Variants in FRY observed in about 807,000 individuals in gnomAD.
FRY encodes the protein FRY microtubule binding protein.
A neutral mutation model predicts 348.4 loss-of-function variants in FRY; 128 were observed. That is an observed-to-expected ratio of 0.37 (90% CI 0.32 to 0.43). The LOEUF (loss-of-function observed/expected upper bound fraction) is 0.43. Ranked by LOEUF, FRY falls within the 20% of genes least tolerant of loss-of-function variation. FRY has a pLI of 1.00. For synonymous variants in FRY, 1,370 were observed against 1,374.7 expected, an observed-to-expected ratio of 1.00 and a Z score of 0.08; for missense variants, 2,736 against 3,695.2, an observed-to-expected ratio of 0.74 and a Z score of 6.73.
At position 32,099,712 on chromosome 13, in the gene FRY, A is replaced by G. The variant is rs543278282; in HGVS notation, c.271-2251A>G. 3.3e-5 allele frequency among the ~76,000 whole-genome samples: 5 copies of G among 152,032 alleles called. No individual in the cohort carries two copies. The South Asian group carries it at 1.0e-3, about 32-fold the overall frequency. On this transcript the variant is annotated intron_variant, in intron 2 of 60. Transcript: ENST00000542859. Reference sequence around the variant, plus strand: ...AAACAGAAAACTATTCATGATGAATATTTTCCTCAGAAATTTCAGTTTGGA... The same window carrying G: ...AAACAGAAAACTATTCATGATGAATGTTTTCCTCAGAAATTTCAGTTTGGA...
At chr13:32,138,924 G>A (rs1456157352) in intron 11 of FRY, among the ~76,000 whole-genome samples, 1 of 152,192 alleles carries the variant, frequency 6.6e-6, no homozygotes, top group Non-Finnish European at 1.5e-5. Flanking sequence ...ACCTCTGAGA[G>A]TTATAAAGGT....
At chr13:32,035,939 A>G (rs1461456002) in intron 1 of FRY, among the ~76,000 whole-genome samples, 1 of 152,166 alleles carries the variant, frequency 6.6e-6, no homozygotes, top group Non-Finnish European at 1.5e-5. Context: ...GTAGTGAGTT[A>G]AGTTGTAGTG....
chr13:32,292,860 T>G (rs1325143708), intron 59 of FRY, among the ~76,000 whole-genome samples: 1 of 151,974 alleles, frequency 6.6e-6, no homozygotes, highest in African/African-American at 2.4e-5. Flanking sequence ...TTTAAAGAAA[T>G]TGCCCCAATC....
chr13:32,072,987 T>C (rs1243406643), intron 1 of FRY, among the ~76,000 whole-genome samples: 1 of 152,226 alleles, frequency 6.6e-6, no homozygotes, highest in Non-Finnish European at 1.5e-5. Flanking sequence ...CTACTTTGAA[T>C]ATTTGGTTAC....
At chr13:32,061,008 A>G in intron 1 of FRY, 1 of 477,254 alleles carries the variant, frequency 2.1e-6, no homozygotes. Context: ...GGCAGTGAGC[A>G]ACAGGACCAT....
chr13:32,274,540 TAA>T (rs1217314140), intron 55 of FRY, among the ~76,000 whole-genome samples: 1 of 151,354 alleles, frequency 6.6e-6, no homozygotes, highest in Non-Finnish European at 1.5e-5. Context: ...CCGTCTCTAC[TAA>T]AAATACAAAA....
At chr13:32,196,880 T>C (rs1883709072) in intron 29 of FRY, among the ~76,000 whole-genome samples, 1 of 152,234 alleles carries the variant, frequency 6.6e-6, no homozygotes, top group African/African-American at 2.4e-5. Flanking sequence ...AAATAACTAT[T>C]TGGCTTCTGT....
At chr13:32,176,843 C>A (rs893747409) in intron 20 of FRY, among the ~76,000 whole-genome samples, 1 of 152,168 alleles carries the variant, frequency 6.6e-6, no homozygotes, top group Non-Finnish European at 1.5e-5. Flanking sequence ...ACAGCTGTTA[C>A]TTCATGTAAT....
At chr13:32,096,583 G>A (rs1242584594) in intron 2 of FRY, among the ~76,000 whole-genome samples, 1 of 152,052 alleles carries the variant, frequency 6.6e-6, no homozygotes, top group African/African-American at 2.4e-5. Context: ...CTGCGGTCAG[G>A]GGTTTGAGAC....
chr13:32,073,542 C>CGGGT (rs1297755238), intron 1 of FRY, among the ~76,000 whole-genome samples: 1 of 150,318 alleles, frequency 6.7e-6, no homozygotes, highest in African/African-American at 2.5e-5. Flanking sequence ...TGTATGTGGG[C>CGGGT]GGGTGTGTGT....
At chr13:32,117,239 T>C in intron 3 of FRY, 95 bp from the exon 4 acceptor site, 1 of 1,082,216 alleles carries the variant, frequency 9.2e-7, no homozygotes, top group South Asian at 1.3e-5. Context: ...GAAAATATTT[T>C]AGTGAGTAGT....
intron 15 of FRY, among the ~76,000 whole-genome samples, chr13:32,156,556 G>A (rs955508998): frequency 6.3e-5 from 9 of 142,006 alleles, no homozygotes; most frequent in South Asian, 2.2e-4. Context: ...AGCCAAGATC[G>A]CACCATTCCA....
At position 32,228,481 on chromosome 13, in the gene FRY, C is replaced by T; in HGVS notation, c.5232C>T (p.Asp1744=). 6.2e-7 allele frequency: 1 copy of T among 1,612,516 alleles called. No individual in the cohort carries two copies. The highest frequency in any genetic ancestry group is 8.5e-7 in the Non-Finnish European group (1 of 1,179,722). The change falls in exon 40 of 61, where the codon GAC becomes GAT. Residue 1744 remains aspartate (D), a synonymous_variant. Coordinates refer to ENST00000542859, the MANE Select transcript of FRY (RefSeq NM_023037.3). ...GTGGCTTTGACTTCCTGAGAGAGGA[C>T]CAGTCATCCCCGGTGCCTGACTCAG... is the stretch of plus-strand genomic sequence containing the variant. ...YTGGFDFLRE[D]QSSPVPDSGL...
intron 40 of FRY, 96 bp downstream of exon 40, chr13:32,228,750 G>T (rs2138425471): frequency 9.6e-7 from 1 of 1,043,964 alleles, no homozygotes; most frequent in African/African-American, 1.6e-5. Context: ...TGATCCTGGG[G>T]TTCTAACAAA....
At position 32,203,468 on chromosome 13, in the gene FRY, G is replaced by A. The variant is rs769624355; in HGVS notation, c.4018+941G>A. On this transcript the variant is annotated intron_variant, in intron 31 of 60. Transcript: ENST00000542859. ...AGGCCGGGCGTGGTGGCTCACACCC[G>A]TAATCCCAACACTGGAGACCGAGGA... Among the ~76,000 whole-genome samples the A allele has an allele frequency of 9.2e-5, 14 of 152,242 alleles. 1 individual carries two copies. The South Asian group carries it at 1.2e-3, about 14-fold the overall frequency.
chr13:32,078,973 A>G lies in FRY; in HGVS notation c.210A>G (p.Leu70=). ...CAGGAGAATATGTCCTCAAAAGTTT[A>G]TTTGTCAACTTCACCACTCAGGCTG... ...SKPGEYVLKS[L]FVNFTTQAER... Residue 70 remains leucine (L), a synonymous_variant, in exon 2 of 61, where the codon TTA becomes TTG. Coordinates refer to ENST00000542859, the MANE Select transcript of FRY (RefSeq NM_023037.3). 1 of 1,613,964 alleles carries G rather than the reference A, an allele frequency of 6.2e-7. No homozygotes were observed. Among genetic ancestry groups the G allele is most frequent in the South Asian group, 1.1e-5 (1 of 91,082 alleles).
chr13:32,115,772 C>G (rs1433249939), intron 3 of FRY, among the ~76,000 whole-genome samples: 1 of 151,744 alleles, frequency 6.6e-6, no homozygotes, highest in Non-Finnish European at 1.5e-5. Flanking sequence ...CTTCATTTCT[C>G]TTAAATTCCC....
intron 54 of FRY, 47 bp downstream of exon 54, chr13:32,265,663 C>G: frequency 6.5e-7 from 1 of 1,539,646 alleles, no homozygotes; most frequent in Non-Finnish European, 8.9e-7. Context: ...GTGCATGGTA[C>G]ATTATATGGC....
chr13:32,198,599 T>A (rs1445719272), intron 29 of FRY, among the ~76,000 whole-genome samples: 2 of 152,222 alleles, frequency 1.3e-5, no homozygotes, highest in Non-Finnish European at 2.9e-5. Context: ...TACTTTTCTC[T>A]AGGCTTTGCA....
Sources: gnomAD v4.1 joint callset for allele counts (sites outside exome capture counted in the v4.1 genomes callset) on GRCh38, gnomAD v4.1.1 for gene constraint, MANE v1.5 for transcripts, NCBI Gene and HGNC (gene_info 2026-07-23, HGNC 2026-07-21) for gene names.